EDEM2: variants seen among roughly 807,000 people sequenced by gnomAD.
EDEM2 encodes the protein ER degradation enhancing alpha-mannosidase like protein 2.
In EDEM2, 39 loss-of-function variants were observed where a neutral mutation model predicts 64.8. The observed-to-expected ratio is 0.60, with a 90% CI of 0.47 to 0.79. The LOEUF (loss-of-function observed/expected upper bound fraction) is 0.79. Among genes scored for constraint, EDEM2 ranks in the 30% least tolerant of loss-of-function variants. The pLI, the probability that EDEM2 is intolerant of heterozygous loss-of-function variation, is 0.00. For synonymous variants in EDEM2, 296 were observed against 291.5 expected (o/e 1.02, Z -0.16); for missense variants, 609 against 731.3 (o/e 0.83, Z 1.93).
chr20:35,131,910 C>A, intron 6 of EDEM2, 127 bp from the exon 7 acceptor site: 6 of 1,152,686 alleles, frequency 5.2e-6, no homozygotes, highest in Non-Finnish European at 7.3e-6. Context: ...GGGAAACATG[C>A]AGACCCTGAG....
intron 9 of EDEM2, among the ~76,000 whole-genome samples, chr20:35,123,077 T>C (rs138116421): frequency 1.3e-5 from 2 of 152,254 alleles, no homozygotes; most frequent in Non-Finnish European, 2.9e-5. Context: ...TGAGAGTGTC[T>C]CAAATATAGT....
chr20:35,116,628 T>TC (rs2085312607), intron 10 of EDEM2, among the ~76,000 whole-genome samples: 1 of 152,196 alleles, frequency 6.6e-6, no homozygotes, highest in Non-Finnish European at 1.5e-5. Flanking sequence ...TCCGCTAACC[T>TC]TGCTCTATGA....
intron 5 of EDEM2, among the ~76,000 whole-genome samples, chr20:35,137,615 C>A (rs1216870316): frequency 6.6e-6 from 1 of 152,156 alleles, no homozygotes; most frequent in African/African-American, 2.4e-5. Flanking sequence ...AGGGTAATGG[C>A]CTTCCACCCA....
intron 4 of EDEM2, among the ~76,000 whole-genome samples, chr20:35,140,875 T>C (rs6120848): frequency 0.19 from 29,250 of 151,762 alleles, 3,044 homozygotes; most frequent in Middle Eastern, 0.34. Flanking sequence ...TCCCAGCACT[T>C]TGGGAGGCTG....
chr20:35,145,746 G>T (rs2085720668), intron 2 of EDEM2, among the ~76,000 whole-genome samples: 1 of 152,140 alleles, frequency 6.6e-6, no homozygotes, highest in Non-Finnish European at 1.5e-5. Flanking sequence ...AGTGGCTCAT[G>T]CCTGTAATCC....
intron 1 of EDEM2, 88 bp downstream of exon 1, chr20:35,147,064 C>A: frequency 6.5e-7 from 1 of 1,544,716 alleles, no homozygotes; most frequent in Non-Finnish European, 8.8e-7. Context: ...TGTGTCGGAG[C>A]AAGTCGGGGT....
rs201234692 is a variant in EDEM2, at chr20:35,144,939, T to C, written c.258+40A>G. ...GCCAAAAGAGGAAGGATGTTGGTTA[T>C]GTAACAGTGGAAAGGAAAAGAAACA... On this transcript the variant is annotated intron_variant, in intron 3 of 10. Transcript: ENST00000374492. 6.8e-6 allele frequency: 11 copies of C among 1,608,126 alleles called. No homozygotes were observed. In the East Asian group the frequency reaches 8.9e-5, roughly 13 times the overall value.
chr20:35,143,638 T>C (rs1184425300), intron 3 of EDEM2, among the ~76,000 whole-genome samples: 2 of 152,176 alleles, frequency 1.3e-5, no homozygotes, highest in African/African-American at 4.8e-5. Context: ...GGAATCACTC[T>C]TCCCCGGCAG....
intron 7 of EDEM2, among the ~76,000 whole-genome samples, chr20:35,128,504 T>TGCA (rs1435968368): frequency 6.7e-6 from 1 of 149,186 alleles, no homozygotes; most frequent in Non-Finnish European, 1.5e-5. Context: ...AGGCGGAGGT[T>TGCA]GCAGTGAGCC....
At chr20:35,118,527 C>T in intron 10 of EDEM2, 71 bp downstream of exon 10, 1 of 1,606,856 alleles carries the variant, frequency 6.2e-7, no homozygotes, top group Non-Finnish European at 8.5e-7. Flanking sequence ...TCCCAAAGCT[C>T]TACCCTTAAA....
intron 9 of EDEM2, among the ~76,000 whole-genome samples, chr20:35,120,698 A>C (rs1172991615): frequency 3.3e-5 from 5 of 150,944 alleles, no homozygotes; most frequent in African/African-American, 1.2e-4. Flanking sequence ...CCCAGGTTCA[A>C]GCAATTCTCC....
At chr20:35,118,556 G>A (rs759855512) in intron 10 of EDEM2, 42 bp downstream of exon 10, 4 of 1,612,734 alleles carry the variant, frequency 2.5e-6, no homozygotes, top group Admixed American at 1.7e-5. Flanking sequence ...TTAGCAGCAA[G>A]GGGAGACTCT....
rs1166236331 is a variant in EDEM2, at chr20:35,147,320, G to A, written c.-62C>T. Reference sequence around the variant, plus strand: ...CAGCCACTGCAACCAGTTCATCCTGGGAGCTGCTGCGGGTTCTTCCGGGAA... The same window carrying A: ...CAGCCACTGCAACCAGTTCATCCTGAGAGCTGCTGCGGGTTCTTCCGGGAA... On this transcript the variant is annotated 5_prime_UTR_variant, in exon 1 of 11. Coordinates refer to ENST00000374492, the MANE Select transcript of EDEM2 (RefSeq NM_018217.3). 10 of 1,408,178 alleles carry A rather than the reference G, an allele frequency of 7.1e-6. No homozygotes were observed. The Admixed American group carries it at 1.8e-4, about 25-fold the overall frequency. The allele number at this position is 1,408,178 out of a possible 1,614,324, so 87.2% of individuals were successfully genotyped here.
Position 35,147,225 on chromosome 20 carries a change from G to A in EDEM2, c.34C>T (p.Leu12=), listed in dbSNP as rs1446532330. 1 of 1,598,968 alleles carries A rather than the reference G, an allele frequency of 6.3e-7. No individual in the cohort carries two copies. Among genetic ancestry groups the A allele is most frequent in the Admixed American group, 1.7e-5 (1 of 58,562 alleles). ...PFRLLIPLGL[L]CALLPQHHGA... is the part of the protein sequence containing the mutation. ...TGGTGCTGAGGCAGCAGCGCGCACA[G>A]GAGGCCGAGCGGGATGAGCAGCCGG... The change falls in exon 1 of 11, where the codon CTG becomes TTG. Residue 12 remains leucine, a synonymous_variant. Coordinates refer to ENST00000374492, the MANE Select transcript of EDEM2 (RefSeq NM_018217.3).
chr20:35,130,384 T>G (rs2085491967), intron 7 of EDEM2, among the ~76,000 whole-genome samples: 1 of 152,274 alleles, frequency 6.6e-6, no homozygotes, highest in South Asian at 2.1e-4. Flanking sequence ...AAGTTTAATT[T>G]ATAAATTAGG....
Position 35,144,995 on chromosome 20 carries a change from G to T in EDEM2, c.242C>A (p.Ala81Glu). ...GATACTTACCAGCAAGGTGTCCAGT[G>T]CATCAATTAGAGTCAGAGAAAAACT... ...WGSFSLTLIDALDTLLILGNV... is the reference protein window; with the variant it reads ...WGSFSLTLIDELDTLLILGNV... Residue 81 changes from alanine to glutamate, a missense_variant, in exon 3 of 11, where the codon GCA becomes GAA. By Grantham distance (107) the Ala-to-Glu change is moderately radical. Coordinates refer to ENST00000374492, the MANE Select transcript of EDEM2 (RefSeq NM_018217.3). The T allele has an allele frequency of 6.2e-7, 1 of 1,614,040 alleles. No homozygotes were observed. The highest frequency in any genetic ancestry group is 8.5e-7 in the Non-Finnish European group (1 of 1,179,950).
rs370673596 is a variant in EDEM2, at chr20:35,118,713, A to G, written c.1121T>C (p.Ile374Thr). 85 of 1,612,090 alleles carry G rather than the reference A, an allele frequency of 5.3e-5. No homozygotes were observed. The highest frequency in any genetic ancestry group is 7.7e-5 in the South Asian group (7 of 91,000). The change falls in exon 10 of 11, where the codon ATT becomes ACT. Residue 374 changes from isoleucine (I) to threonine (T), a missense_variant. Physicochemically the swap from Ile to Thr is moderately conservative, Grantham distance 89. Transcript: ENST00000374492. Reference protein sequence around the residue: ...REGYPLRPELIESAMYLYRAT... With the variant: ...REGYPLRPELTESAMYLYRAT... ...ACGGTAGAGGTACATTGCGCTTTCAATAAGTTCTGCAAAGTCCAAAGCAGA... is the reference window on the plus strand; with the variant it reads ...ACGGTAGAGGTACATTGCGCTTTCAGTAAGTTCTGCAAAGTCCAAAGCAGA...
intron 7 of EDEM2, among the ~76,000 whole-genome samples, chr20:35,126,813 G>A (rs1027285303): frequency 6.6e-6 from 1 of 152,338 alleles, no homozygotes; most frequent in South Asian, 2.1e-4. Flanking sequence ...TTGGGAGGCT[G>A]AGGAAGGAGA....
chr20:35,147,335 T>C lies in EDEM2; in HGVS notation c.-77A>G. The stretch of plus-strand genomic sequence containing the variant: ...GTTCATCCTGGGAGCTGCTGCGGGT[T>C]CTTCCGGGAATCCGCGCCACTGCGC... On this transcript the variant is annotated 5_prime_UTR_variant, in exon 1 of 11. Coordinates refer to ENST00000374492, the MANE Select transcript of EDEM2 (RefSeq NM_018217.3). 2.2e-6 allele frequency: 3 copies of C among 1,371,106 alleles called. No individual in the cohort carries two copies. The South Asian group carries it at 5.0e-5, about 23-fold the overall frequency. The allele number at this position is 1,371,106 out of a possible 1,614,324, so 84.9% of individuals were successfully genotyped here. A position where few individuals can be genotyped will look rare whatever the true frequency, so the allele number is the denominator to read the frequency against.
Sources: gnomAD v4.1 joint callset for allele counts (sites outside exome capture counted in the v4.1 genomes callset) on GRCh38, gnomAD v4.1.1 for gene constraint, MANE v1.5 for transcripts, NCBI Gene and HGNC (gene_info 2026-07-23, HGNC 2026-07-21) for gene names.